The following CLK4 variants were observed in gnomAD, a reference collection of about 807,000 sequenced individuals.
CLK4 encodes the protein CDC like kinase 4.
CLK4 carries 37 observed loss-of-function variants against 64.4 expected under a neutral mutation model. That is an observed-to-expected ratio of 0.57 (90% CI 0.44 to 0.76). The LOEUF (loss-of-function observed/expected upper bound fraction) is 0.76, where lower values mean the gene tolerates loss of function less well. Among genes scored for constraint, CLK4 ranks in the 30% least tolerant of loss-of-function variants. CLK4 has a pLI of 0.00. For synonymous variants in CLK4, 175 were observed against 191.6 expected (o/e 0.91, Z 0.72); for missense variants, 457 against 605.1 (o/e 0.76, Z 2.57).
chr5:178,608,532 A>G (rs1278276343), intron 9 of CLK4, 74 bp from the exon 10 acceptor site: 13 of 1,071,604 alleles, frequency 1.2e-5, no homozygotes, highest in African/African-American at 1.6e-5. Context: ...CCTTCCCTAT[A>G]TGAGTGCTCC....
chr5:178,623,854 T>A (rs114685482), intron 1 of CLK4, among the ~76,000 whole-genome samples: 2,643 of 152,296 alleles, frequency 0.017, 49 homozygotes, highest in South Asian at 0.054. Context: ...TTCTACTTAT[T>A]AGTGATTTTC....
chr5:178,623,472 T>G (rs1764737666), intron 1 of CLK4, 56 bp from the exon 2 acceptor site: 2 of 1,345,060 alleles, frequency 1.5e-6, no homozygotes, highest in South Asian at 1.7e-5. Flanking sequence ...GATAGGTAAA[T>G]TATTATATAT....
chr5:178,615,345 A>G (rs1764613142), intron 5 of CLK4, among the ~76,000 whole-genome samples: 1 of 152,260 alleles, frequency 6.6e-6, no homozygotes, highest in Non-Finnish European at 1.5e-5. Flanking sequence ...ATAATGATAA[A>G]GCAAATCTTA....
chr5:178,625,586 T>A (rs1036710650), intron 1 of CLK4, among the ~76,000 whole-genome samples: 7 of 152,186 alleles, frequency 4.6e-5, no homozygotes, highest in African/African-American at 1.7e-4. Context: ...CCGAGCGTTA[T>A]TATTATGACC....
At chr5:178,618,806 T>A (rs1055433069) in intron 2 of CLK4, 28 bp from the exon 3 acceptor site, 7 of 1,558,048 alleles carry the variant, frequency 4.5e-6, no homozygotes, top group Non-Finnish European at 6.2e-6. Context: ...GATTTCAAAT[T>A]ATTCTCTTCA....
Position 178,623,274 on chromosome 5 carries a change from T to C in CLK4, c.143A>G (p.Gln48Arg). 3 of 1,613,752 alleles carry C rather than the reference T, an allele frequency of 1.9e-6. No homozygotes were observed. The highest frequency in any genetic ancestry group is 2.5e-6 in the Non-Finnish European group (3 of 1,179,850). ...QENRHCKPHH[Q>R]FKESDCHYLE... Reference sequence around the variant, plus strand: ...AATTTACCAATCAGATTCTTTAAACTGGTGATGTGGTTTACAATGCCTGTT... The same window carrying C: ...AATTTACCAATCAGATTCTTTAAACCGGTGATGTGGTTTACAATGCCTGTT... The change falls in exon 2 of 13, where the codon CAG becomes CGG. Residue 48 changes from glutamine to arginine, a missense_variant. Transcript: ENST00000316308.
intron 5 of CLK4, among the ~76,000 whole-genome samples, chr5:178,615,431 C>T (rs1423113853): frequency 6.6e-6 from 1 of 152,122 alleles, no homozygotes; most frequent in Non-Finnish European, 1.5e-5. Flanking sequence ...ATCAATTTTT[C>T]TGTAAGTCTG....
At chr5:178,609,427 A>C (rs889831648) in intron 9 of CLK4, among the ~76,000 whole-genome samples, 1 of 152,206 alleles carries the variant, frequency 6.6e-6, no homozygotes, top group Admixed American at 6.5e-5. Context: ...TCATGCCTGT[A>C]ATCCCAGCAC....
chr5:178,623,181 A>G, intron 2 of CLK4, 75 bp downstream of exon 2: 1 of 1,333,292 alleles, frequency 7.5e-7, no homozygotes, highest in Non-Finnish European at 1.1e-6. Flanking sequence ...TTGACAGATG[A>G]AAGCTATATA....
In CLK4 at chr5:178,617,062, C is replaced by A; in HGVS notation, c.476-114G>T. The A allele has an allele frequency of 1.3e-6, 1 of 767,152 alleles. No homozygotes were observed. The highest frequency in any genetic ancestry group is 2.2e-6 in the Non-Finnish European group (1 of 454,080). The allele number at this position is 767,152 out of a possible 1,614,324, so 47.5% of individuals were successfully genotyped here. A position where few individuals can be genotyped will look rare whatever the true frequency, so the allele number is the denominator to read the frequency against. On this transcript the variant is annotated intron_variant, in intron 4 of 12. Coordinates refer to ENST00000316308, the MANE Select transcript of CLK4 (RefSeq NM_020666.3). This position sits in a 1 kb window ranked among gnomAD's most constrained non-coding sequence, Gnocchi z 5.2. The stretch of plus-strand genomic sequence containing the variant: ...TCAAATGATCTCTAACAAAGCATAA[C>A]TAAGGTTTCAGCACTCAAATTATTT...
At chr5:178,610,989 C>T (rs886273738) in intron 9 of CLK4, among the ~76,000 whole-genome samples, 3 of 151,254 alleles carry the variant, frequency 2.0e-5, no homozygotes, top group South Asian at 2.1e-4. Context: ...AGGAGAATCG[C>T]GCGAACCTGG....
At chr5:178,611,512 T>C (rs1483721867) in intron 9 of CLK4, among the ~76,000 whole-genome samples, 1 of 152,194 alleles carries the variant, frequency 6.6e-6, no homozygotes, top group African/African-American at 2.4e-5. Flanking sequence ...GTGGCTACCA[T>C]ATGGGACAGT....
chr5:178,619,425 C>A lies in CLK4; in HGVS notation c.162-647G>T, dbSNP rs185380608. Among the ~76,000 whole-genome samples, 51 of 152,282 alleles carry A rather than the reference C, an allele frequency of 3.3e-4. 1 individual carries two copies. Among genetic ancestry groups the A allele is most frequent in the Admixed American group, 2.8e-3 (43 of 15,284 alleles). Reference sequence around the variant, plus strand: ...TCTTTGCATTTCTAGCCTTGTTATTCCTGTTTGAGAAATAGAAAACATAGC... The same window carrying A: ...TCTTTGCATTTCTAGCCTTGTTATTACTGTTTGAGAAATAGAAAACATAGC... On this transcript the variant is annotated intron_variant, in intron 2 of 12. Transcript: ENST00000316308.
chr5:178,615,833 G>A (rs1470480625), intron 5 of CLK4, among the ~76,000 whole-genome samples: 3 of 152,120 alleles, frequency 2.0e-5, no homozygotes, highest in Non-Finnish European at 2.9e-5. Flanking sequence ...AGAGGAAAAC[G>A]GTAAAATGAG....
At chr5:178,616,017 GA>G (rs1445511225) in intron 5 of CLK4, among the ~76,000 whole-genome samples, 1 of 152,182 alleles carries the variant, frequency 6.6e-6, no homozygotes, top group Non-Finnish European at 1.5e-5. Flanking sequence ...GGAGTTCTGG[GA>G]AATTCCTTCA....
At chr5:178,612,386 A>G (rs963686217) in intron 9 of CLK4, 30 bp downstream of exon 9, 1 of 1,552,424 alleles carries the variant, frequency 6.4e-7, no homozygotes. Flanking sequence ...TTCTTCAATT[A>G]TAATATTAGA....
In CLK4 at chr5:178,616,888, T is replaced by C; in HGVS notation, c.536A>G (p.His179Arg). Residue 179 changes from histidine (H) to arginine (R), a missense_variant, in exon 5 of 13, where the codon CAT (histidine) becomes CGT (arginine). Transcript: ENST00000316308. Reference protein sequence around the residue: ...AFGKVVECIDHGMDGMHVAVK... With the variant: ...AFGKVVECIDRGMDGMHVAVK... The stretch of plus-strand genomic sequence containing the variant: ...AAGGAAAAAACAAACTTACATGCCA[T>C]GATCAATGCACTCTACAACTTTGCC... 1 of 1,611,984 alleles carries C rather than the reference T, an allele frequency of 6.2e-7. No individual in the cohort carries two copies. The highest frequency in any genetic ancestry group is 2.2e-5 in the East Asian group (1 of 44,852).
chr5:178,610,357 G>A (rs1173022707), intron 9 of CLK4, among the ~76,000 whole-genome samples: 1 of 151,968 alleles, frequency 6.6e-6, no homozygotes. Flanking sequence ...CCAGGTGACT[G>A]TAATCTTCTG....
chr5:178,608,313 T>C (rs1764496073), intron 10 of CLK4, 63 bp downstream of exon 10: 1 of 1,215,898 alleles, frequency 8.2e-7, no homozygotes, highest in Admixed American at 2.4e-5. Flanking sequence ...GTCAAAACTT[T>C]AGCATACCTT....
Sources: gnomAD v4.1 joint callset for allele counts (sites outside exome capture counted in the v4.1 genomes callset) on GRCh38, gnomAD v4.1.1 for gene constraint, Gnocchi (gnomAD v3.1) non-coding constraint, MANE v1.5 for transcripts, NCBI Gene and HGNC (gene_info 2026-07-23, HGNC 2026-07-21) for gene names.